The following SLIT2 variants were observed in gnomAD, a reference collection of about 807,000 sequenced individuals.
The protein encoded by SLIT2 is slit homolog 2 protein.
SLIT2 carries 41 observed loss-of-function variants against 185.7 expected under a neutral mutation model. The observed-to-expected ratio is 0.22, with a 90% CI of 0.17 to 0.29. The LOEUF is 0.29. Ranked by LOEUF, SLIT2 falls within the 10% of genes least tolerant of loss-of-function variation. The pLI is 1.00. For missense variants in SLIT2, 1,571 were observed against 1,909.0 expected (o/e 0.82, Z 3.30); for synonymous variants, 693 against 680.2 (o/e 1.02, Z -0.29).
chr4:20,611,858 T>A (rs1578022254), intron 34 of SLIT2, among the ~76,000 whole-genome samples: 1 of 152,310 alleles, frequency 6.6e-6, no homozygotes, highest in East Asian at 1.9e-4. Flanking sequence ...CACAAAGCTA[T>A]TATGTAGTAG....
At chr4:20,323,815 C>T (rs1232776089) in intron 4 of SLIT2, among the ~76,000 whole-genome samples, 1 of 152,130 alleles carries the variant, frequency 6.6e-6, no homozygotes, top group East Asian at 1.9e-4. Flanking sequence ...TAGTTTGTTT[C>T]TGATTTTTCC....
intron 4 of SLIT2, among the ~76,000 whole-genome samples, chr4:20,408,888 A>G (rs1424377686): frequency 6.6e-6 from 1 of 152,178 alleles, no homozygotes; most frequent in African/African-American, 2.4e-5. Flanking sequence ...CAATATGTAA[A>G]TGGAAAGAAA....
chr4:20,397,600 C>G (rs1028023216), intron 4 of SLIT2, among the ~76,000 whole-genome samples: 1 of 151,812 alleles, frequency 6.6e-6, no homozygotes, highest in East Asian at 1.9e-4. Flanking sequence ...ATAATCTTCT[C>G]TGTCAAGATG....
intron 29 of SLIT2, among the ~76,000 whole-genome samples, chr4:20,577,130 C>A (rs1349648042): frequency 1.3e-5 from 2 of 152,090 alleles, no homozygotes; most frequent in African/African-American, 4.8e-5. Context: ...TTCTTTACTG[C>A]AAGATCAGAT....
chr4:20,608,478 T>G (rs1458984280), intron 33 of SLIT2, among the ~76,000 whole-genome samples: 1 of 152,114 alleles, frequency 6.6e-6, no homozygotes, highest in African/African-American at 2.4e-5. Context: ...TGTATTGATG[T>G]TAAGTGTTAG....
rs534236260 is a variant in SLIT2 at position 20,429,714 on chromosome 4, G to A, written c.396-38038G>A. 2.6e-5 allele frequency among the ~76,000 whole-genome samples: 4 copies of A among 152,224 alleles called. No homozygotes were observed. The South Asian group carries it at 8.3e-4, about 32-fold the overall frequency. On this transcript the variant is annotated intron_variant, in intron 4 of 36. Coordinates refer to ENST00000504154, the MANE Select transcript of SLIT2 (RefSeq NM_004787.4). ...GTCCCAAATGCAGAGAAGGAACAAA[G>A]AATCAACTGCATTTGAGAGAGAGAA...
intron 4 of SLIT2, among the ~76,000 whole-genome samples, chr4:20,445,312 C>G (rs530035879): frequency 6.6e-6 from 1 of 152,212 alleles, no homozygotes; most frequent in East Asian, 1.9e-4. Context: ...ATCATATTTT[C>G]AAGAATTCAT....
At chr4:20,467,998 A>G (rs1267931865) in intron 5 of SLIT2, among the ~76,000 whole-genome samples, 175 bp downstream of exon 5, 3 of 152,140 alleles carry the variant, frequency 2.0e-5, no homozygotes, top group Admixed American at 6.5e-5. Context: ...GTTTGACGAG[A>G]TGCTCATTTA....
chr4:20,540,763 C>CCT (rs1178310473), intron 19 of SLIT2, among the ~76,000 whole-genome samples: 1 of 152,100 alleles, frequency 6.6e-6, no homozygotes, highest in Non-Finnish European at 1.5e-5. Flanking sequence ...AGTACTTAAT[C>CCT]CTCTTTTTGC....
chr4:20,410,685 A>G (rs1211799863), intron 4 of SLIT2, among the ~76,000 whole-genome samples: 1 of 152,102 alleles, frequency 6.6e-6, no homozygotes, highest in African/African-American at 2.4e-5. Flanking sequence ...TTCTTTCCCC[A>G]CTGCTTGTTT....
chr4:20,342,035 C>T (rs999842473), intron 4 of SLIT2, among the ~76,000 whole-genome samples: 6 of 152,068 alleles, frequency 3.9e-5, no homozygotes, highest in African/African-American at 1.4e-4. Context: ...AGTCATTGAA[C>T]ATATTTTGTG....
intron 4 of SLIT2, among the ~76,000 whole-genome samples, chr4:20,280,957 T>C (rs1238702762): frequency 6.6e-6 from 1 of 151,664 alleles, no homozygotes; most frequent in Non-Finnish European, 1.5e-5. Context: ...CTAAACTTCC[T>C]GAGTAGTTGG....
At chr4:20,477,893 G>A (rs191422939) in intron 5 of SLIT2, among the ~76,000 whole-genome samples, 1 of 152,306 alleles carries the variant, frequency 6.6e-6, no homozygotes, top group African/African-American at 2.4e-5. Flanking sequence ...AGGCCAGCCT[G>A]TCACTAAAGG....
chr4:20,602,248 G>T (rs1728467320), intron 33 of SLIT2, among the ~76,000 whole-genome samples: 1 of 152,220 alleles, frequency 6.6e-6, no homozygotes, highest in Non-Finnish European at 1.5e-5. Flanking sequence ...AAAAATATGT[G>T]CTTCTTTCTT....
intron 6 of SLIT2, among the ~76,000 whole-genome samples, chr4:20,485,187 T>C (rs1168500493): frequency 6.6e-6 from 1 of 152,156 alleles, no homozygotes; most frequent in Non-Finnish European, 1.5e-5. Context: ...CTTCTACCAC[T>C]TTCTTATCAC....
rs1322711157 is a variant in SLIT2, at chr4:20,307,091, G to A, written c.395+38210G>A. ...ATTCCATGCCTCCATCCCTCCACCC[G>A]CTCTATTTCTTTCCCTCCCTCCCTC... On this transcript the variant is annotated intron_variant, in intron 4 of 36. Coordinates refer to ENST00000504154, the MANE Select transcript of SLIT2 (RefSeq NM_004787.4). 4.8e-4 allele frequency among the ~76,000 whole-genome samples: 45 copies of A among 93,786 alleles called. No homozygotes were observed. The Admixed American group carries it at 5.0e-3, about 10-fold the overall frequency. The allele number at this position is 93,786 out of a possible 152,430, so 61.5% of individuals were successfully genotyped here.
rs1336835919 is a variant in SLIT2, at chr4:20,620,055, C to G, written c.*1046C>G. On this transcript the variant is annotated 3_prime_UTR_variant, in exon 37 of 37. Transcript: ENST00000504154. The stretch of plus-strand genomic sequence containing the variant: ...ATTCAGGACACCTGCAGAGAGTATG[C>G]AAAGTCCGAGAGAGGAAAACAGAAA... The G allele has an allele frequency of 1.5e-5, 3 of 196,266 alleles. No homozygotes were observed. The highest frequency in any genetic ancestry group is 7.1e-5 in the African/African-American group (3 of 42,316). 12.2% of individuals were successfully genotyped at this position (196,266 alleles called of 1,614,324 possible). A position where few individuals can be genotyped will look rare whatever the true frequency, so the allele number is the denominator to read the frequency against.
chr4:20,422,450 A>G (rs1006573683), intron 4 of SLIT2, among the ~76,000 whole-genome samples: 2 of 152,344 alleles, frequency 1.3e-5, no homozygotes, highest in East Asian at 3.9e-4. Flanking sequence ...CATTTTGGCC[A>G]TAGGAAATTG....
At chr4:20,582,966 G>A (rs1726723539) in intron 29 of SLIT2, among the ~76,000 whole-genome samples, 1 of 152,124 alleles carries the variant, frequency 6.6e-6, no homozygotes, top group South Asian at 2.1e-4. Flanking sequence ...TTACGTGCTG[G>A]GTGTGATGGA....
Sources: gnomAD v4.1 joint callset for allele counts (sites outside exome capture counted in the v4.1 genomes callset) on GRCh38, gnomAD v4.1.1 for gene constraint, MANE v1.5 for transcripts, NCBI Gene and HGNC (gene_info 2026-07-23, HGNC 2026-07-21) for gene names.